AIMP1: variants seen among roughly 807,000 people sequenced by gnomAD.
The protein encoded by AIMP1 is aminoacyl tRNA synthase complex-interacting multifunctional protein 1.
In AIMP1, 24 loss-of-function variants were observed where a neutral mutation model predicts 33.1. That is an observed-to-expected ratio of 0.73 (90% CI 0.53 to 1.02). The LOEUF (loss-of-function observed/expected upper bound fraction) is 1.02, where lower values mean the gene tolerates loss of function less well. Ranked by LOEUF, AIMP1 falls within the 50% of genes least tolerant of loss-of-function variation. AIMP1 has a pLI of 0.00. For missense variants in AIMP1, 367 were observed against 364.8 expected (o/e 1.01, Z -0.05); for synonymous variants, 120 against 121.5 (o/e 0.99, Z 0.08).
At chr4:106,339,495 A>C (rs1490355327) in intron 6 of AIMP1, among the ~76,000 whole-genome samples, 1 of 146,820 alleles carries the variant, frequency 6.8e-6, no homozygotes, top group Non-Finnish European at 1.5e-5. Flanking sequence ...GCCATGTAAC[A>C]CATGCTCCTC....
chr4:106,342,114 G>A (rs1221610962), intron 6 of AIMP1, among the ~76,000 whole-genome samples: 1 of 152,136 alleles, frequency 6.6e-6, no homozygotes, highest in African/African-American at 2.4e-5. Context: ...GTATAGAAAT[G>A]CTGCTGATTT....
Position 106,337,040 on chromosome 4 carries a change from A to T in AIMP1, c.772+3A>T. ...AATTACTTTTGATGCTTTCCCAGGT[A>T]GGTATTTATTAGTAATTACTTAATA... On this transcript the variant is annotated splice_donor_region_variant and intron_variant, in intron 6 of 6. Coordinates refer to ENST00000672341, the MANE Select transcript of AIMP1 (RefSeq NM_001142416.2). 1 of 1,612,978 alleles carries T rather than the reference A, an allele frequency of 6.2e-7. No individual in the cohort carries two copies. The highest frequency in any genetic ancestry group is 1.7e-5 in the Admixed American group (1 of 60,020).
intron 5 of AIMP1, among the ~76,000 whole-genome samples, chr4:106,334,276 C>CTTTTTTT (rs34085907): frequency 1.4e-5 from 2 of 139,304 alleles, no homozygotes; most frequent in Non-Finnish European, 3.1e-5. Flanking sequence ...TTTCTTTTTT[C>CTTTTTTT]TTTTTTTTTT....
At chr4:106,331,617 T>C in intron 4 of AIMP1, 55 bp from the exon 5 acceptor site, 3 of 1,511,928 alleles carry the variant, frequency 2.0e-6, no homozygotes, top group Non-Finnish European at 2.8e-6. Flanking sequence ...GTTTTCATAG[T>C]GTTTTTTTGC....
At chr4:106,332,546 G>A (rs565113584) in intron 5 of AIMP1, among the ~76,000 whole-genome samples, 1 of 150,612 alleles carries the variant, frequency 6.6e-6, no homozygotes, top group South Asian at 2.1e-4. Flanking sequence ...CAGTTAAGTA[G>A]TATCACCCTC....
intron 2 of AIMP1, among the ~76,000 whole-genome samples, chr4:106,325,945 T>A (rs1769439809): frequency 1.3e-5 from 2 of 152,154 alleles, no homozygotes; most frequent in African/African-American, 2.4e-5. Context: ...AGCAGAATTA[T>A]ACCACTAAAG....
rs149903704 is a variant in AIMP1 at position 106,335,832 on chromosome 4, G to A, written c.604-1037G>A. 2.0e-5 allele frequency among the ~76,000 whole-genome samples: 3 copies of A among 151,094 alleles called. No individual in the cohort carries two copies. In the East Asian group the frequency reaches 5.8e-4, roughly 29 times the overall value. Reference sequence around the variant, plus strand: ...ATCTTTTTTTCTCCTTTGAGCAATAGTTCTCTTGTATGATTCATTTTAAAC... The same window carrying A: ...ATCTTTTTTTCTCCTTTGAGCAATAATTCTCTTGTATGATTCATTTTAAAC... On this transcript the variant is annotated intron_variant, in intron 5 of 6. Transcript: ENST00000672341.
intron 1 of AIMP1, 196 bp downstream of exon 1, chr4:106,316,790 G>A (rs1048368920): frequency 5.6e-6 from 3 of 533,458 alleles, no homozygotes; most frequent in Non-Finnish European, 1.0e-5. Context: ...CCACGTTTGA[G>A]AAATGGGATG....
chr4:106,328,368 G>A, intron 4 of AIMP1, 125 bp downstream of exon 4: 2 of 1,194,750 alleles, frequency 1.7e-6, no homozygotes, highest in Non-Finnish European at 1.2e-6. Context: ...GATAAAATTA[G>A]GAACAATATG....
At chr4:106,324,392 A>T (rs1240226584) in intron 1 of AIMP1, among the ~76,000 whole-genome samples, 1 of 152,010 alleles carries the variant, frequency 6.6e-6, no homozygotes, top group Non-Finnish European at 1.5e-5. Flanking sequence ...GTATTTTTTT[A>T]AATTTCTCTG....
In AIMP1 at chr4:106,328,163, C is replaced by A; in HGVS notation, c.311C>A (p.Thr104Asn). 3 of 1,613,404 alleles carry A rather than the reference C, an allele frequency of 1.9e-6. No homozygotes were observed. Among genetic ancestry groups the A allele is most frequent in the Non-Finnish European group, 2.5e-6 (3 of 1,179,650 alleles). The change falls in exon 4 of 7, where the codon ACC becomes AAC. Residue 104 changes from threonine to asparagine, a missense_variant. Coordinates refer to ENST00000672341, the MANE Select transcript of AIMP1 (RefSeq NM_001142416.2). ...GTGATACAGTCTACAGCAGTAACAA[C>A]CGTATCTTCTGGTACCAAAGAACAG... ...ENVIQSTAVT[T>N]VSSGTKEQIK...
At chr4:106,324,604 A>C (rs1174723752) in intron 1 of AIMP1, among the ~76,000 whole-genome samples, 4 of 152,000 alleles carry the variant, frequency 2.6e-5, no homozygotes, top group Non-Finnish European at 5.9e-5. Flanking sequence ...ACAGAAATAT[A>C]AAAGGAATGA....
intron 1 of AIMP1, among the ~76,000 whole-genome samples, chr4:106,319,078 C>T (rs913575891): frequency 6.6e-6 from 1 of 151,952 alleles, no homozygotes; most frequent in Non-Finnish European, 1.5e-5. Context: ...TACTGTAATT[C>T]TGAAATAGGG....
intron 1 of AIMP1, among the ~76,000 whole-genome samples, chr4:106,321,027 C>T (rs1467782233): frequency 1.3e-5 from 2 of 152,230 alleles, no homozygotes; most frequent in Non-Finnish European, 2.9e-5. Context: ...GGATTGCAGA[C>T]GGAGTCTCGC....
chr4:106,335,861 T>A (rs1461910596), intron 5 of AIMP1, among the ~76,000 whole-genome samples: 2 of 151,656 alleles, frequency 1.3e-5, no homozygotes, highest in Non-Finnish European at 2.9e-5. Context: ...TTTAAACTTG[T>A]TGAAAGAATT....
intron 4 of AIMP1, among the ~76,000 whole-genome samples, chr4:106,328,665 C>T: frequency 6.6e-6 from 1 of 152,140 alleles, no homozygotes. Context: ...TTTCAAGAAT[C>T]CATGAGAACT....
chr4:106,342,562 T>C (rs1770136165), intron 6 of AIMP1, among the ~76,000 whole-genome samples: 1 of 152,234 alleles, frequency 6.6e-6, no homozygotes, highest in Admixed American at 6.5e-5. Flanking sequence ...TGGTCTTAAT[T>C]CTATTTATGT....
intron 1 of AIMP1, among the ~76,000 whole-genome samples, chr4:106,317,278 A>G (rs1469275766): frequency 6.6e-6 from 1 of 152,176 alleles, no homozygotes; most frequent in Non-Finnish European, 1.5e-5. Flanking sequence ...TGAAGCAGAA[A>G]CGTGCTAGAA....
chr4:106,334,384 C>G (rs1336313031), intron 5 of AIMP1, among the ~76,000 whole-genome samples: 1 of 151,554 alleles, frequency 6.6e-6, no homozygotes, highest in Non-Finnish European at 1.5e-5. Flanking sequence ...CCTGCCTCAG[C>G]CTGCCGAGTA....
Sources: allele counts gnomAD v4.1 joint callset (sites outside exome capture counted in the v4.1 genomes callset), GRCh38; gene constraint gnomAD v4.1.1; transcripts MANE v1.5; gene names NCBI Gene and HGNC (gene_info 2026-07-23, HGNC 2026-07-21).